Variants in AKT3 observed in about 807,000 individuals in gnomAD.
AKT3 encodes RAC-gamma serine/threonine-protein kinase.
In AKT3, 15 loss-of-function variants were observed where a neutral mutation model predicts 65.3. The ratio of observed to expected loss-of-function variants is 0.23; its 90% CI spans 0.15 to 0.35. AKT3 has a LOEUF of 0.35. Among genes scored for constraint, AKT3 ranks in the 10% least tolerant of loss-of-function variants. The probability of loss-of-function intolerance (pLI) is 1.00; values close to 1 mark genes in which losing one functional copy is unlikely to be tolerated. For synonymous variants in AKT3, 206 were observed against 183.8 expected, an observed-to-expected ratio of 1.12 and a Z score of -0.98; for missense variants, 243 against 576.5, an observed-to-expected ratio of 0.42 and a Z score of 5.92.
chr1:243,828,347 T>C (rs1221513725), intron 2 of AKT3, among the ~76,000 whole-genome samples: 1 of 152,182 alleles, frequency 6.6e-6, no homozygotes, highest in African/African-American at 2.4e-5. Context: ...AGATTAAGGA[T>C]TGTGCCCACA....
At chr1:243,742,749 T>C (rs1425513206) in intron 2 of AKT3, among the ~76,000 whole-genome samples, 2 of 152,112 alleles carry the variant, frequency 1.3e-5, no homozygotes, top group Admixed American at 6.5e-5. Context: ...CATAAACCGA[T>C]TTCTCCTCAT....
At chr1:243,771,680 G>A (rs1306065438) in intron 2 of AKT3, among the ~76,000 whole-genome samples, 1 of 152,018 alleles carries the variant, frequency 6.6e-6, no homozygotes. Flanking sequence ...TATACTCTTA[G>A]CTAAAAATAC....
chr1:243,837,523 T>C (rs1694965884), intron 2 of AKT3, among the ~76,000 whole-genome samples: 1 of 152,190 alleles, frequency 6.6e-6, no homozygotes, highest in Non-Finnish European at 1.5e-5. Flanking sequence ...AAAAAACCCT[T>C]AGCAAAATAT....
At chr1:243,691,576 G>A (rs1489074932) in intron 3 of AKT3, among the ~76,000 whole-genome samples, 5 of 152,050 alleles carry the variant, frequency 3.3e-5, no homozygotes, top group Admixed American at 6.6e-5. Flanking sequence ...GAATCAGCAG[G>A]ACTAGAAATG....
At chr1:243,550,715 G>T (rs920867889) in intron 11 of AKT3, among the ~76,000 whole-genome samples, 1 of 150,338 alleles carries the variant, frequency 6.7e-6, no homozygotes, top group Non-Finnish European at 1.5e-5. Context: ...GAAAGCCGAG[G>T]GGGGTGGATC....
intron 6 of AKT3, among the ~76,000 whole-genome samples, chr1:243,617,367 A>G (rs1054229091): frequency 2.0e-5 from 3 of 152,162 alleles, no homozygotes; most frequent in African/African-American, 7.2e-5. Context: ...ATAATTAAGC[A>G]TTATACAAGT....
In AKT3 at chr1:243,678,159, C is replaced by T. The variant is rs576525489; in HGVS notation, c.173-13276G>A. On this transcript the variant is annotated intron_variant, in intron 3 of 13. Coordinates refer to ENST00000673466, the MANE Select transcript of AKT3 (RefSeq NM_005465.7). ...ATCAGAATACCACCTCTTTGGAAAG[C>T]ACTCTCTAACTTCTTTAAACTTTAA... 7.9e-5 allele frequency among the ~76,000 whole-genome samples: 12 copies of T among 152,224 alleles called. No homozygotes were observed. In the East Asian group the frequency reaches 1.9e-3, roughly 25 times the overall value.
intron 13 of AKT3, among the ~76,000 whole-genome samples, chr1:243,489,908 G>A (rs1665968510): frequency 2.0e-5 from 3 of 152,164 alleles, no homozygotes; most frequent in African/African-American, 7.2e-5. Flanking sequence ...ATGAAACCTC[G>A]TTTGCTAAAT....
chr1:243,705,890 C>T (rs1398890477), intron 2 of AKT3, among the ~76,000 whole-genome samples: 1 of 152,158 alleles, frequency 6.6e-6, no homozygotes, highest in Non-Finnish European at 1.5e-5. Context: ...AGCAGAGTTT[C>T]CAGTTCCACA....
chr1:243,644,344 A>T (rs902617462), intron 5 of AKT3, among the ~76,000 whole-genome samples: 2 of 152,190 alleles, frequency 1.3e-5, no homozygotes, highest in African/African-American at 4.8e-5. Context: ...TGAAAAAACC[A>T]GTAGAACTTT....
At chr1:243,729,563 C>T (rs1473520748) in intron 2 of AKT3, among the ~76,000 whole-genome samples, 2 of 151,942 alleles carry the variant, frequency 1.3e-5, no homozygotes, top group African/African-American at 4.8e-5. Context: ...TAAAAATCTA[C>T]CTTAAAAAAA....
At chr1:243,614,145 A>G (rs1678108745) in intron 7 of AKT3, among the ~76,000 whole-genome samples, 1 of 152,152 alleles carries the variant, frequency 6.6e-6, no homozygotes, top group African/African-American at 2.4e-5. Context: ...TTTCTAATAC[A>G]ATGACAACAT....
chr1:243,690,625 T>C (rs1684628344), intron 3 of AKT3, among the ~76,000 whole-genome samples: 1 of 151,330 alleles, frequency 6.6e-6, no homozygotes, highest in Admixed American at 6.6e-5. Context: ...ACAGGCCTTG[T>C]GGAGTTTCCA....
intron 2 of AKT3, among the ~76,000 whole-genome samples, chr1:243,712,146 C>T (rs1290547420): frequency 6.6e-6 from 1 of 152,174 alleles, no homozygotes; most frequent in Non-Finnish European, 1.5e-5. Flanking sequence ...ACTGTAAATA[C>T]ATGGACATAA....
chr1:243,614,416 T>C (rs930780773), intron 7 of AKT3, among the ~76,000 whole-genome samples: 10 of 152,136 alleles, frequency 6.6e-5, no homozygotes, highest in Non-Finnish European at 1.3e-4. Context: ...ATATAGTTCA[T>C]TGGAACCAAG....
At position 243,503,664 on chromosome 1, in the gene AKT3, G is replaced by C; in HGVS notation, c.*1585C>G. The C allele has an allele frequency of 4.3e-6, 1 of 232,600 alleles. No individual in the cohort carries two copies. Among genetic ancestry groups the C allele is most frequent in the Middle Eastern group, 1.3e-3 (1 of 778 alleles). The allele number at this position is 232,600 out of a possible 1,614,324, so 14.4% of individuals were successfully genotyped here. On this transcript the variant is annotated 3_prime_UTR_variant, in exon 14 of 14. Coordinates refer to ENST00000673466, the MANE Select transcript of AKT3 (RefSeq NM_005465.7). Reference sequence around the variant, plus strand: ...TGCCCCCTTTCAGTGAGAAATGTTGGAATCTGGGGGACATGAGTATATACA... The same window carrying C: ...TGCCCCCTTTCAGTGAGAAATGTTGCAATCTGGGGGACATGAGTATATACA...
At chr1:243,544,699 TTTTTTG>T (rs1462428517) in intron 12 of AKT3, among the ~76,000 whole-genome samples, 17 of 36,776 alleles carry the variant, frequency 4.6e-4, no homozygotes, top group South Asian at 3.2e-3. Context: ...TGGTTTTTTG[TTTTTTG>T]TTTTTTTTTT....
At chr1:243,848,793 T>C (rs1203887946) in intron 1 of AKT3, among the ~76,000 whole-genome samples, 2 of 152,258 alleles carry the variant, frequency 1.3e-5, no homozygotes, top group Non-Finnish European at 2.9e-5. Context: ...TTACCCAATA[T>C]AGATGCATAG....
chr1:243,576,621 C>T (rs1339181697), intron 8 of AKT3, among the ~76,000 whole-genome samples: 1 of 152,178 alleles, frequency 6.6e-6, no homozygotes. Flanking sequence ...AACTCTCATT[C>T]ACAACTGCCA....
Sources: gnomAD v4.1 joint callset for allele counts (sites outside exome capture counted in the v4.1 genomes callset) on GRCh38, gnomAD v4.1.1 for gene constraint, MANE v1.5 for transcripts, NCBI Gene and HGNC (gene_info 2026-07-23, HGNC 2026-07-21) for gene names.